AK7: variants seen among roughly 807,000 people sequenced by gnomAD.
AK7 encodes adenylate kinase 7.
In AK7, 78 loss-of-function variants were observed where a neutral mutation model predicts 96.6. The observed-to-expected ratio is 0.81, with a 90% CI of 0.67 to 0.97. The LOEUF (loss-of-function observed/expected upper bound fraction) is 0.97. Ranked by LOEUF, AK7 falls within the 50% of genes least tolerant of loss-of-function variation. AK7 has a pLI of 0.00. For synonymous variants in AK7, 302 were observed against 317.2 expected, an observed-to-expected ratio of 0.95 and a Z score of 0.51; for missense variants, 855 against 887.9, an observed-to-expected ratio of 0.96 and a Z score of 0.47.
chr14:96,440,413 C>G (rs1208042679), intron 6 of AK7, among the ~76,000 whole-genome samples: 1 of 152,158 alleles, frequency 6.6e-6, no homozygotes, highest in Non-Finnish European at 1.5e-5. Context: ...GGCCCTAGAC[C>G]TTTTTTCTTC....
intron 1 of AK7, among the ~76,000 whole-genome samples, chr14:96,393,848 G>A (rs1240939122): frequency 5.9e-5 from 9 of 151,968 alleles, no homozygotes; most frequent in Non-Finnish European, 1.0e-4. Context: ...GGGTGGGCGT[G>A]GTGTAATACT....
At chr14:96,400,112 T>C (rs1224159042) in intron 2 of AK7, among the ~76,000 whole-genome samples, 1 of 147,454 alleles carries the variant, frequency 6.8e-6, no homozygotes, top group Non-Finnish European at 1.5e-5. Flanking sequence ...GATCTCGGCT[T>C]ACTGCAACCT....
chr14:96,453,454 G>T (rs35799372), intron 10 of AK7, among the ~76,000 whole-genome samples: 1,970 of 152,336 alleles, frequency 0.013, 30 homozygotes, highest in Non-Finnish European at 0.02. Flanking sequence ...ACCGAGGCCA[G>T]TGTAGCCCCA....
At chr14:96,415,516 C>A (rs1891276117) in intron 4 of AK7, among the ~76,000 whole-genome samples, 1 of 151,592 alleles carries the variant, frequency 6.6e-6, no homozygotes, top group African/African-American at 2.4e-5. Context: ...AAAAGAAAAA[C>A]AAAGAAAAAA....
intron 1 of AK7, among the ~76,000 whole-genome samples, chr14:96,392,801 T>TA (rs1330084646): frequency 6.6e-6 from 1 of 152,138 alleles, no homozygotes; most frequent in Non-Finnish European, 1.5e-5. Context: ...TAGCTGGGAC[T>TA]ACAGGCGCCC....
chr14:96,426,749 G>T (rs1383345497), intron 5 of AK7, among the ~76,000 whole-genome samples: 1 of 152,064 alleles, frequency 6.6e-6, no homozygotes, highest in African/African-American at 2.4e-5. Context: ...TGGCCTGTAA[G>T]GTTTTCCACT....
At chr14:96,470,275 A>G (rs1327146640) in intron 12 of AK7, among the ~76,000 whole-genome samples, 2 of 151,790 alleles carry the variant, frequency 1.3e-5, no homozygotes, top group African/African-American at 4.8e-5. Flanking sequence ...GAGGGAGAGG[A>G]GGAGGGGGAG....
intron 13 of AK7, among the ~76,000 whole-genome samples, chr14:96,472,034 C>T: frequency 6.6e-6 from 1 of 152,146 alleles, no homozygotes; most frequent in East Asian, 1.9e-4. Context: ...CACCATCCCA[C>T]TCTTTCATTC....
At position 96,414,905 on chromosome 14, in the gene AK7, G is replaced by A. The variant is rs536428604; in HGVS notation, c.499-5917G>A. Among the ~76,000 whole-genome samples, 40 of 151,732 alleles carry A rather than the reference G, an allele frequency of 2.6e-4. 1 individual carries two copies. The South Asian group carries it at 7.9e-3, about 30-fold the overall frequency. On this transcript the variant is annotated intron_variant, in intron 4 of 17. Transcript: ENST00000267584. ...TTAGCTGGGACTACAGGCACCTGCCGCCATGCCCAGCTAATTTTTAAAATG... is the reference window on the plus strand; with the variant it reads ...TTAGCTGGGACTACAGGCACCTGCCACCATGCCCAGCTAATTTTTAAAATG...
intron 2 of AK7, among the ~76,000 whole-genome samples, chr14:96,400,853 G>A (rs1890369035): frequency 6.6e-6 from 1 of 152,248 alleles, no homozygotes; most frequent in Non-Finnish European, 1.5e-5. Flanking sequence ...AGGAGTATCT[G>A]AAGCAAAATT....
Position 96,478,614 on chromosome 14 carries a change from A to G in AK7, c.1705A>G (p.Thr569Ala). The change falls in exon 15 of 18, where the codon ACT (threonine) becomes GCT (alanine). Residue 569 changes from threonine (T) to alanine (A), a missense_variant. Coordinates refer to ENST00000267584, the MANE Select transcript of AK7 (RefSeq NM_152327.5). Reference protein sequence around the residue: ...NYRDINIDDETVFNYFDELEI... With the variant: ...NYRDINIDDEAVFNYFDELEI... ...CCGGGACATCAATATCGACGATGAG[A>G]CTGTCTTCAACTATTTTGATGAACT... 1.2e-6 allele frequency: 2 copies of G among 1,614,194 alleles called. No homozygotes were observed. The highest frequency in any genetic ancestry group is 1.7e-6 in the Non-Finnish European group (2 of 1,180,038).
rs145045163 is a variant in AK7 at position 96,394,702 on chromosome 14, A to G, written c.105+2443A>G. Among the ~76,000 whole-genome samples the G allele has an allele frequency of 1.7e-3, 263 of 152,362 alleles. 3 individuals carry two copies. Among genetic ancestry groups the G allele is most frequent in the African/African-American group, 5.8e-3 (240 of 41,594 alleles). Reference sequence around the variant, plus strand: ...AAAAAGATACAGATACAGGCTGGGCACAGTGGCTCATGCCTGTAATCCCAG... The same window carrying G: ...AAAAAGATACAGATACAGGCTGGGCGCAGTGGCTCATGCCTGTAATCCCAG... On this transcript the variant is annotated intron_variant, in intron 1 of 17. Coordinates refer to ENST00000267584, the MANE Select transcript of AK7 (RefSeq NM_152327.5).
chr14:96,477,969 G>A (rs951681875), intron 14 of AK7, among the ~76,000 whole-genome samples: 2 of 152,172 alleles, frequency 1.3e-5, no homozygotes, highest in African/African-American at 2.4e-5. Flanking sequence ...CTTAAGGCAA[G>A]AATTTGAGAT....
chr14:96,446,406 C>G (rs1893235148), intron 7 of AK7, 111 bp from the exon 8 acceptor site: 2 of 834,734 alleles, frequency 2.4e-6, no homozygotes, highest in Non-Finnish European at 4.0e-6. Context: ...GATAACTTAT[C>G]AAAGCACCAA....
intron 4 of AK7, among the ~76,000 whole-genome samples, chr14:96,415,798 T>A (rs1179293241): frequency 6.8e-6 from 1 of 147,156 alleles, no homozygotes; most frequent in Non-Finnish European, 1.5e-5. Flanking sequence ...CATTAATTAA[T>A]TAAATTAATT....
At position 96,448,334 on chromosome 14, in the gene AK7, C is replaced by A. The variant is rs150931922; in HGVS notation, c.871-1468C>A. Among the ~76,000 whole-genome samples, 8 of 151,944 alleles carry A rather than the reference C, an allele frequency of 5.3e-5. No homozygotes were observed. The East Asian group carries it at 1.4e-3, about 26-fold the overall frequency. On this transcript the variant is annotated intron_variant, in intron 8 of 17. Coordinates refer to ENST00000267584, the MANE Select transcript of AK7 (RefSeq NM_152327.5). ...TCACAGTTCCAGAGGCTGGGAAGTG[C>A]AAGATCAAGGCAGATTCAGCCAGGC...
intron 15 of AK7, among the ~76,000 whole-genome samples, chr14:96,480,064 C>T (rs913599333): frequency 6.6e-6 from 1 of 152,112 alleles, no homozygotes; most frequent in African/African-American, 2.4e-5. Context: ...GTGCCTGGCA[C>T]ATTGAAGGAG....
chr14:96,399,813 C>T lies in AK7; in HGVS notation c.294+1550C>T, dbSNP rs1302302940. ...CTTTTCCTCTTTTACCCTTTAAATG[C>T]GGTTTTCCCCAGAGCTCACTCCCTT... On this transcript the variant is annotated intron_variant, in intron 2 of 17. Transcript: ENST00000267584. The surrounding 1 kb of genome is among the most constrained non-coding windows in gnomAD (Gnocchi z 4.1). Among the ~76,000 whole-genome samples, 5 of 152,084 alleles carry T rather than the reference C, an allele frequency of 3.3e-5. No individual in the cohort carries two copies. Among genetic ancestry groups the T allele is most frequent in the African/African-American group, 9.7e-5 (4 of 41,408 alleles).
At chr14:96,444,147 G>A (rs537086794) in intron 7 of AK7, among the ~76,000 whole-genome samples, 6 of 152,030 alleles carry the variant, frequency 3.9e-5, no homozygotes, top group South Asian at 2.1e-4. Flanking sequence ...TGGGCCTCAC[G>A]CAGCCCACAG....
Sources: gnomAD v4.1 joint callset for allele counts (sites outside exome capture counted in the v4.1 genomes callset) on GRCh38, gnomAD v4.1.1 for gene constraint, Gnocchi (gnomAD v3.1) non-coding constraint, MANE v1.5 for transcripts, NCBI Gene and HGNC (gene_info 2026-07-23, HGNC 2026-07-21) for gene names.